Variants in CNTNAP5 observed in about 807,000 individuals in gnomAD.
CNTNAP5 encodes contactin associated protein family member 5, also known as contactin-associated protein-like 5.
Under a neutral mutation model 150.2 loss-of-function variants are expected in CNTNAP5, and 72 were observed. The observed-to-expected ratio is 0.48, with a 90% CI of 0.40 to 0.58. The LOEUF is 0.58. Among genes scored for constraint, CNTNAP5 ranks in the 20% least tolerant of loss-of-function variants. The probability of loss-of-function intolerance (pLI) is 0.00; values close to 1 mark genes in which losing one functional copy is unlikely to be tolerated. For synonymous variants in CNTNAP5, 672 were observed against 619.8 expected (o/e 1.08, Z -1.25); for missense variants, 1,636 against 1,626.2 (o/e 1.01, Z -0.10).
chr2:124,121,212 G>C (rs866377972), intron 1 of CNTNAP5, among the ~76,000 whole-genome samples: 48 of 151,852 alleles, frequency 3.2e-4, no homozygotes, highest in African/African-American at 1.1e-3. Flanking sequence ...TGTGGCCTTT[G>C]CTTTGAATGA....
intron 1 of CNTNAP5, among the ~76,000 whole-genome samples, chr2:124,179,199 C>T (rs1220943890): frequency 1.3e-5 from 2 of 151,932 alleles, no homozygotes; most frequent in Non-Finnish European, 2.9e-5. Flanking sequence ...CTCTGTGGCC[C>T]AGGCTGGAGT....
intron 1 of CNTNAP5, among the ~76,000 whole-genome samples, chr2:124,196,343 G>T (rs563360381): frequency 6.6e-6 from 1 of 152,088 alleles, no homozygotes; most frequent in Non-Finnish European, 1.5e-5. Flanking sequence ...GGCAGCATCC[G>T]TTATCTCATG....
At chr2:124,598,682 C>T (rs1478606331) in intron 11 of CNTNAP5, among the ~76,000 whole-genome samples, 1 of 151,802 alleles carries the variant, frequency 6.6e-6, no homozygotes, top group Non-Finnish European at 1.5e-5. Context: ...CCAGTTTGAG[C>T]TTCCCGGCTG....
At position 124,177,464 on chromosome 2, in the gene CNTNAP5, G is replaced by T. The variant is rs1206848903; in HGVS notation, c.83-44241G>T. On this transcript the variant is annotated intron_variant, in intron 1 of 23. Transcript: ENST00000682447. ...AAACAGAAGCTATTAGGTAGAACAG[G>T]TCTGGACTCAAATCCTGACTCTTGT... is the stretch of plus-strand genomic sequence containing the variant. Among the ~76,000 whole-genome samples, 5 of 151,918 alleles carry T rather than the reference G, an allele frequency of 3.3e-5. No homozygotes were observed. The East Asian group carries it at 9.6e-4, about 29-fold the overall frequency.
intron 1 of CNTNAP5, among the ~76,000 whole-genome samples, chr2:124,105,028 A>T (rs1683144593): frequency 6.6e-6 from 1 of 151,644 alleles, no homozygotes; most frequent in African/African-American, 2.4e-5. Flanking sequence ...TGTCCTTCAG[A>T]GCTGCTCTAC....
chr2:124,690,142 AT>A (rs1186587325), intron 13 of CNTNAP5, among the ~76,000 whole-genome samples: 6 of 152,134 alleles, frequency 3.9e-5, no homozygotes, highest in African/African-American at 7.2e-5. Flanking sequence ...AGTAAAAAAA[AT>A]AAAATCATCT....
At chr2:124,547,585 G>T (rs1695542510) in intron 10 of CNTNAP5, among the ~76,000 whole-genome samples, 2 of 152,166 alleles carry the variant, frequency 1.3e-5, no homozygotes, top group Admixed American at 6.5e-5. Context: ...TGGGGTGGCT[G>T]CTCGTATTCA....
chr2:124,050,889 A>G (rs1438680099), intron 1 of CNTNAP5, among the ~76,000 whole-genome samples: 2 of 152,196 alleles, frequency 1.3e-5, no homozygotes, highest in Non-Finnish European at 2.9e-5. Flanking sequence ...CAGCCCAGAG[A>G]CATCCTTTCT....
chr2:124,456,032 C>T (rs1016691730), intron 6 of CNTNAP5, among the ~76,000 whole-genome samples: 2 of 152,112 alleles, frequency 1.3e-5, no homozygotes, highest in African/African-American at 4.8e-5. Context: ...TCTCACCACT[C>T]CTCTTCAACA....
intron 16 of CNTNAP5, among the ~76,000 whole-genome samples, chr2:124,771,600 T>C (rs1681193441): frequency 1.3e-5 from 2 of 152,130 alleles, no homozygotes; most frequent in Admixed American, 1.3e-4. Flanking sequence ...GCATGGTGCC[T>C]GGCATAGAGT....
chr2:124,760,691 C>T (rs1445034030), intron 14 of CNTNAP5, among the ~76,000 whole-genome samples: 16 of 152,086 alleles, frequency 1.1e-4, no homozygotes, highest in Non-Finnish European at 1.5e-5. Context: ...TGTCTGGCTG[C>T]TCTGCTCATG....
chr2:124,499,034 C>T (rs1694215886), intron 7 of CNTNAP5, among the ~76,000 whole-genome samples: 1 of 152,108 alleles, frequency 6.6e-6, no homozygotes, highest in African/African-American at 2.4e-5. Context: ...AAGGGAGAAA[C>T]AATAAGCCAG....
intron 3 of CNTNAP5, among the ~76,000 whole-genome samples, chr2:124,391,060 A>C (rs746128674): frequency 6.6e-6 from 1 of 152,348 alleles, no homozygotes; most frequent in Non-Finnish European, 1.5e-5. Context: ...CTGCTTCTGC[A>C]TATTAACTAA....
At chr2:124,878,534 G>T (rs1677904586) in intron 21 of CNTNAP5, among the ~76,000 whole-genome samples, 1 of 151,924 alleles carries the variant, frequency 6.6e-6, no homozygotes, top group African/African-American at 2.4e-5. Flanking sequence ...TCCAGCTAAA[G>T]GTATCCTAGT....
intron 13 of CNTNAP5, among the ~76,000 whole-genome samples, chr2:124,733,847 T>C (rs151258998): frequency 6.6e-6 from 1 of 152,268 alleles, no homozygotes; most frequent in African/African-American, 2.4e-5. Context: ...TGGAAAGAAA[T>C]CTGCAAAGAA....
At chr2:124,315,971 T>C (rs1206309618) in intron 3 of CNTNAP5, among the ~76,000 whole-genome samples, 3 of 152,182 alleles carry the variant, frequency 2.0e-5, no homozygotes, top group East Asian at 3.8e-4. Flanking sequence ...ATATAACTAC[T>C]GCAACTCCCG....
chr2:124,103,444 G>A (rs753012980), intron 1 of CNTNAP5, among the ~76,000 whole-genome samples: 3 of 152,034 alleles, frequency 2.0e-5, no homozygotes, highest in Non-Finnish European at 4.4e-5. Flanking sequence ...CACTCACTGA[G>A]TCACCGAGAG....
At chr2:124,326,119 C>A (rs1333775254) in intron 3 of CNTNAP5, among the ~76,000 whole-genome samples, 1 of 152,048 alleles carries the variant, frequency 6.6e-6, no homozygotes, top group Non-Finnish European at 1.5e-5. Flanking sequence ...CGGGAGACAG[C>A]CAAAGTACAT....
chr2:124,162,241 TTGAA>T (rs1334653363), intron 1 of CNTNAP5, among the ~76,000 whole-genome samples: 15 of 152,226 alleles, frequency 9.9e-5, no homozygotes, highest in African/African-American at 3.4e-4. Flanking sequence ...TTAGTAATTA[TTGAA>T]TGAAGTATAG....
Sources: gnomAD v4.1 joint callset for allele counts (sites outside exome capture counted in the v4.1 genomes callset) on GRCh38, gnomAD v4.1.1 for gene constraint, MANE v1.5 for transcripts, NCBI Gene and HGNC (gene_info 2026-07-23, HGNC 2026-07-21) for gene names.